DOCK1: variants seen among roughly 807,000 people sequenced by gnomAD.
DOCK1 encodes the protein dedicator of cytokinesis 1.
DOCK1 carries 138 observed loss-of-function variants against 262.7 expected under a neutral mutation model. That is an observed-to-expected ratio of 0.53 (90% confidence interval 0.46 to 0.61). The LOEUF is 0.61. Ranked by LOEUF, DOCK1 falls within the 20% of genes least tolerant of loss-of-function variation. The probability of loss-of-function intolerance (pLI) is 0.00; values close to 1 mark genes in which losing one functional copy is unlikely to be tolerated. For missense variants in DOCK1, 1,908 were observed against 2,370.7 expected (o/e 0.80, Z 4.05); for synonymous variants, 866 against 867.4 (o/e 1.00, Z 0.03).
chr10:127,073,221 A>T (rs2046333104), intron 23 of DOCK1, among the ~76,000 whole-genome samples: 1 of 152,262 alleles, frequency 6.6e-6, no homozygotes, highest in African/African-American at 2.4e-5. Context: ...TTAAGAATTC[A>T]GTTCTTCCCA....
intron 23 of DOCK1, among the ~76,000 whole-genome samples, chr10:127,065,907 C>T (rs2045841005): frequency 6.6e-6 from 1 of 152,052 alleles, no homozygotes; most frequent in African/African-American, 2.4e-5. Flanking sequence ...TCACCTCTTC[C>T]TGTCTGTTTT....
intron 1 of DOCK1, among the ~76,000 whole-genome samples, chr10:126,945,735 T>C (rs1224620550): frequency 6.6e-6 from 1 of 152,218 alleles, no homozygotes; most frequent in Non-Finnish European, 1.5e-5. Flanking sequence ...AAGAAACACG[T>C]GTTCATGAAT....
At chr10:127,297,630 C>T (rs1028511913) in intron 29 of DOCK1, among the ~76,000 whole-genome samples, 1 of 152,188 alleles carries the variant, frequency 6.6e-6, no homozygotes, top group Non-Finnish European at 1.5e-5. Flanking sequence ...CAAAGCACCT[C>T]TCAATCATGC....
At chr10:126,957,451 G>C (rs1028344597) in intron 1 of DOCK1, among the ~76,000 whole-genome samples, 2 of 152,144 alleles carry the variant, frequency 1.3e-5, no homozygotes, top group Admixed American at 6.5e-5. Flanking sequence ...GTTCACGCTG[G>C]AATGTTCAAT....
At chr10:127,399,957 G>A (rs956480058) in intron 38 of DOCK1, among the ~76,000 whole-genome samples, 51 of 152,244 alleles carry the variant, frequency 3.3e-4, no homozygotes, top group African/African-American at 1.2e-3. Context: ...AGGAATGGGA[G>A]GCAACTTTAA....
At chr10:127,131,881 A>C (rs1202351958) in intron 27 of DOCK1, among the ~76,000 whole-genome samples, 1 of 152,196 alleles carries the variant, frequency 6.6e-6, no homozygotes, top group Non-Finnish European at 1.5e-5. Flanking sequence ...ATATAGTGGA[A>C]ATTATGTAAC....
At chr10:126,923,334 T>A (rs985900187) in intron 1 of DOCK1, among the ~76,000 whole-genome samples, 1 of 152,002 alleles carries the variant, frequency 6.6e-6, no homozygotes, top group African/African-American at 2.4e-5. Context: ...TGTAAAAAAC[T>A]TAGGCATGGC....
chr10:127,045,200 T>TAAAAAAAAA (rs71032534), intron 21 of DOCK1, among the ~76,000 whole-genome samples: 2 of 82,102 alleles, frequency 2.4e-5, no homozygotes, highest in Non-Finnish European at 4.5e-5. Context: ...TCTGTCTCAA[T>TAAAAAAAAA]AAAAAAAAAA....
At chr10:127,163,590 A>G (rs1019579910) in intron 27 of DOCK1, among the ~76,000 whole-genome samples, 1 of 152,104 alleles carries the variant, frequency 6.6e-6, no homozygotes, top group African/African-American at 2.4e-5. Flanking sequence ...AACTGATAAC[A>G]TGCCCTTTTG....
At chr10:127,395,173 C>G (rs546069639) in intron 38 of DOCK1, among the ~76,000 whole-genome samples, 4 of 152,288 alleles carry the variant, frequency 2.6e-5, no homozygotes, top group African/African-American at 9.6e-5. Context: ...CCTTCATGCT[C>G]CTATAACAAA....
In DOCK1 at chr10:127,262,004, CTGTT is replaced by C. The variant is rs568713541; in HGVS notation, c.3044+4579_3044+4582del. Reference sequence around the variant, plus strand: ...GGTGTGTGTGTGTACCCATGCTCATCTGTTTGTGTACCTGCATGTGTGTGCATGT... The same window carrying C: ...GGTGTGTGTGTGTACCCATGCTCATCTGTGTACCTGCATGTGTGTGCATGT... On this transcript the variant is annotated intron_variant, in intron 29 of 51. Coordinates refer to ENST00000623213, the MANE Select transcript of DOCK1 (RefSeq NM_001290223.2). Among the ~76,000 whole-genome samples the C allele has an allele frequency of 5.7e-4, 52 of 91,994 alleles. No homozygotes were observed. In the South Asian group the frequency reaches 9.1e-3, roughly 16 times the overall value. 60.4% of individuals were successfully genotyped at this position (91,994 alleles called of 152,430 possible). A position where few individuals can be genotyped will look rare whatever the true frequency, so the allele number is the denominator to read the frequency against.
chr10:127,387,054 A>T (rs2134155151), intron 38 of DOCK1, among the ~76,000 whole-genome samples: 1 of 151,694 alleles, frequency 6.6e-6, no homozygotes, highest in South Asian at 2.1e-4. Flanking sequence ...GCAGGGCAGG[A>T]GGCAGGGACC....
rs749212562 is a variant in DOCK1, at chr10:127,384,897, C to T, written c.3915C>T (p.Phe1305=). 7.5e-6 allele frequency: 12 copies of T among 1,600,722 alleles called. No homozygotes were observed. Among genetic ancestry groups the T allele is most frequent in the Admixed American group, 1.8e-5 (1 of 56,332 alleles). The change falls in exon 38 of 52, where the codon TTC becomes TTT. Residue 1305 remains phenylalanine (F), a synonymous_variant. Coordinates refer to ENST00000623213, the MANE Select transcript of DOCK1 (RefSeq NM_001290223.2). ...TCTACCAGGAAATCATCCACTACTT[C>T]GACAAAGGCAAGGTAAAACACAAAA... ...EQLYQEIIHY[F]DKGKMWEEAI... is the part of the protein sequence containing the mutation.
chr10:127,237,134 A>C (rs1239109268), intron 27 of DOCK1, among the ~76,000 whole-genome samples: 1 of 152,040 alleles, frequency 6.6e-6, no homozygotes, highest in Non-Finnish European at 1.5e-5. Context: ...CGAGGCGGGC[A>C]GATCACCTGA....
At chr10:127,269,139 G>A (rs989493344) in intron 29 of DOCK1, among the ~76,000 whole-genome samples, 3 of 152,162 alleles carry the variant, frequency 2.0e-5, no homozygotes, top group African/African-American at 7.2e-5. Flanking sequence ...TTCTTCACCC[G>A]TAAATTAGAG....
rs1229405768 is a variant in DOCK1, at chr10:127,149,300, A to G, written c.2847+21536A>G. Among the ~76,000 whole-genome samples the G allele has an allele frequency of 2.0e-5, 3 of 152,346 alleles. No individual in the cohort carries two copies. The East Asian group carries it at 5.8e-4, about 29-fold the overall frequency. The stretch of plus-strand genomic sequence containing the variant: ...GAAGCTCAGCCCTAACCTTGCAGGT[A>G]CGCGGCAGGCTCTCACGGGCTGATG... On this transcript the variant is annotated intron_variant, in intron 27 of 51. Coordinates refer to ENST00000623213, the MANE Select transcript of DOCK1 (RefSeq NM_001290223.2).
intron 18 of DOCK1, among the ~76,000 whole-genome samples, chr10:127,033,303 C>T (rs2043370203): frequency 6.6e-6 from 1 of 152,214 alleles, no homozygotes; most frequent in Admixed American, 6.5e-5. Flanking sequence ...GCAGATCACT[C>T]ATCCATCAGC....
intron 29 of DOCK1, among the ~76,000 whole-genome samples, chr10:127,306,793 C>A (rs965102130): frequency 2.6e-5 from 4 of 152,078 alleles, no homozygotes; most frequent in Non-Finnish European, 2.9e-5. Flanking sequence ...CTAAACCAAA[C>A]GAAGGCAGTG....
chr10:126,928,618 G>A (rs2033952939), intron 1 of DOCK1, among the ~76,000 whole-genome samples: 1 of 151,940 alleles, frequency 6.6e-6, no homozygotes, highest in South Asian at 2.1e-4. Flanking sequence ...TAAGCCTCCA[G>A]CTTAAGGTGT....
Sources: gnomAD v4.1 joint callset for allele counts (sites outside exome capture counted in the v4.1 genomes callset) on GRCh38, gnomAD v4.1.1 for gene constraint, MANE v1.5 for transcripts, NCBI Gene and HGNC (gene_info 2026-07-23, HGNC 2026-07-21) for gene names.